Variants in CSNK2A2IP observed in about 807,000 individuals in gnomAD.
CSNK2A2IP encodes casein kinase II subunit alpha'-interacting protein.
chr3:88,440,680 T>C, the CSNK2A2IP span, among the ~76,000 whole-genome samples: 2 of 152,226 alleles, frequency 1.3e-5, no homozygotes, highest in Non-Finnish European at 2.9e-5. Flanking sequence ...TCTGTTTTCA[T>C]GTAGAAATTA....
chr3:88,457,044 G>A, the CSNK2A2IP span, among the ~76,000 whole-genome samples: 3 of 151,970 alleles, frequency 2.0e-5, no homozygotes, highest in African/African-American at 7.2e-5. Flanking sequence ...AATAACAGGG[G>A]TACAATATCC....
the CSNK2A2IP span, among the ~76,000 whole-genome samples, chr3:88,379,733 C>A: frequency 6.6e-6 from 1 of 152,090 alleles, no homozygotes; most frequent in African/African-American, 2.4e-5. Flanking sequence ...TTTGTTAGGG[C>A]AGGTCCTGGC....
chr3:88,461,614 T>C, the CSNK2A2IP span, among the ~76,000 whole-genome samples: 2 of 152,090 alleles, frequency 1.3e-5, no homozygotes, highest in South Asian at 4.1e-4. Flanking sequence ...TCCAAAGGAG[T>C]TGTATCAACT....
chr3:88,376,869 A>G, the CSNK2A2IP span, among the ~76,000 whole-genome samples: 1 of 151,572 alleles, frequency 6.6e-6, no homozygotes, highest in Non-Finnish European at 1.5e-5. Flanking sequence ...CTCTTTAACC[A>G]CTCTGCAGCA....
chr3:88,418,809 C>T, the CSNK2A2IP span, among the ~76,000 whole-genome samples: 2 of 152,106 alleles, frequency 1.3e-5, no homozygotes, highest in African/African-American at 2.4e-5. Context: ...AGGCCACTGT[C>T]TGGTACTGGT....
chr3:88,461,829 T>C, the CSNK2A2IP span, among the ~76,000 whole-genome samples: 191 of 152,156 alleles, frequency 1.3e-3, 3 homozygotes, highest in Non-Finnish European at 1.4e-3. Flanking sequence ...GCAGTGGCAT[T>C]GTCATGGCTC....
At chr3:88,461,225 C>T in the CSNK2A2IP span, among the ~76,000 whole-genome samples, 170 of 152,182 alleles carry the variant, frequency 1.1e-3, no homozygotes, top group African/African-American at 4.0e-3. Flanking sequence ...CAGTTGATTA[C>T]AGTTTGGAAT....
At chr3:88,414,038 C>T in the CSNK2A2IP span, among the ~76,000 whole-genome samples, 4 of 151,512 alleles carry the variant, frequency 2.6e-5, no homozygotes, top group Admixed American at 2.6e-4. Context: ...AACTTATATA[C>T]AATGCCAAGG....
chr3:88,425,629 G>C, the CSNK2A2IP span, among the ~76,000 whole-genome samples: 1 of 152,116 alleles, frequency 6.6e-6, no homozygotes, highest in Admixed American at 6.6e-5. Context: ...GCCCAGACAT[G>C]ATGAATGTTC....
At chr3:88,402,790 A>G in the CSNK2A2IP span, among the ~76,000 whole-genome samples, 1 of 152,018 alleles carries the variant, frequency 6.6e-6, no homozygotes, top group African/African-American at 2.4e-5. Context: ...TTATATCCAG[A>G]ATGTAAGGGG....
chr3:88,457,334 G>A, the CSNK2A2IP span, among the ~76,000 whole-genome samples: 1 of 151,940 alleles, frequency 6.6e-6, no homozygotes, highest in African/African-American at 2.4e-5. Flanking sequence ...TGTTGGATTT[G>A]ACTGGCTAAA....
At chr3:88,394,063 A>G in the CSNK2A2IP span, among the ~76,000 whole-genome samples, 1 of 152,196 alleles carries the variant, frequency 6.6e-6, no homozygotes, top group Non-Finnish European at 1.5e-5. Context: ...TGGTGTTCTC[A>G]GTAGATAAGT....
chr3:88,446,663 A>G, the CSNK2A2IP span, among the ~76,000 whole-genome samples: 1 of 152,126 alleles, frequency 6.6e-6, no homozygotes, highest in Non-Finnish European at 1.5e-5. Flanking sequence ...TTCCTCTTTG[A>G]AGCATTTCTG....
the CSNK2A2IP span, among the ~76,000 whole-genome samples, chr3:88,380,133 G>A: frequency 6.6e-6 from 1 of 152,008 alleles, no homozygotes; most frequent in African/African-American, 2.4e-5. Flanking sequence ...TGTTATAAAT[G>A]TGATAGGTAT....
the CSNK2A2IP span, among the ~76,000 whole-genome samples, chr3:88,441,580 T>C: frequency 3.3e-5 from 5 of 152,192 alleles, no homozygotes; most frequent in Non-Finnish European, 7.4e-5. Flanking sequence ...CTTGGTATTT[T>C]ATTGAACATT....
At chr3:88,360,453 C>G in the CSNK2A2IP span, among the ~76,000 whole-genome samples, 5 of 152,152 alleles carry the variant, frequency 3.3e-5, no homozygotes, top group South Asian at 1.0e-3. Context: ...GTCTTGAAAT[C>G]CATTTTATCT....
At chr3:88,355,104 G>A in the CSNK2A2IP span, among the ~76,000 whole-genome samples, 12 of 151,946 alleles carry the variant, frequency 7.9e-5, no homozygotes, top group Admixed American at 3.3e-4. Context: ...CTTAAGAGTC[G>A]TTATGTCATT....
At chr3:88,396,913 AT>A in the CSNK2A2IP span, among the ~76,000 whole-genome samples, 1 of 152,156 alleles carries the variant, frequency 6.6e-6, no homozygotes, top group Non-Finnish European at 1.5e-5. Flanking sequence ...AATTGGATAT[AT>A]TCAGGAGGTA....
At chr3:88,363,975 G>T in the CSNK2A2IP span, among the ~76,000 whole-genome samples, 1 of 152,102 alleles carries the variant, frequency 6.6e-6, no homozygotes, top group Admixed American at 6.6e-5. Flanking sequence ...GATACTTGGG[G>T]AGATCCTTTG....
Sources: allele counts gnomAD v4.1 joint callset (sites outside exome capture counted in the v4.1 genomes callset), GRCh38; gene constraint gnomAD v4.1.1; transcripts MANE v1.5; gene names NCBI Gene and HGNC (gene_info 2026-07-23, HGNC 2026-07-21).